Variants in USP31 observed in about 807,000 individuals in gnomAD.
USP31 encodes ubiquitin carboxyl-terminal hydrolase 31.
USP31 carries 44 observed loss-of-function variants against 119.4 expected under a neutral mutation model. The observed-to-expected ratio is 0.37, with a 90% CI of 0.29 to 0.47. USP31 has a LOEUF of 0.47. Among genes scored for constraint, USP31 ranks in the 20% least tolerant of loss-of-function variants. The pLI is 0.99. For missense variants in USP31, 1,643 were observed against 1,730.2 expected (o/e 0.95, Z 0.89); for synonymous variants, 749 against 705.6 (o/e 1.06, Z -0.97).
intron 1 of USP31, among the ~76,000 whole-genome samples, chr16:23,142,535 A>G (rs1596739878): frequency 6.6e-6 from 1 of 152,190 alleles, no homozygotes; most frequent in Non-Finnish European, 1.5e-5. Flanking sequence ...CCCAGGACCC[A>G]GTTTGTGCAC....
Position 23,068,363 on chromosome 16 carries a change from C to G in USP31, c.3742G>C (p.Ala1248Pro), listed in dbSNP as rs1243629318. The G allele has an allele frequency of 1.2e-6, 2 of 1,614,204 alleles. No homozygotes were observed. Among genetic ancestry groups the G allele is most frequent in the Non-Finnish European group, 1.7e-6 (2 of 1,180,040 alleles). Reference protein sequence around the residue: ...TRRSTDLGKTALLSKKAGGSS... With the variant: ...TRRSTDLGKTPLLSKKAGGSS... ...CCACCAGCCTTTTTAGAGAGCAAGG[C>G]TGTCTTGCCAAGATCCGTCGAGCGC... Residue 1248 changes from alanine to proline, a missense_variant, in exon 16 of 16, where the codon GCC (alanine) becomes CCC (proline). Coordinates refer to ENST00000219689, the MANE Select transcript of USP31 (RefSeq NM_020718.4).
chr16:23,104,775 T>C (rs1317397876), intron 5 of USP31, among the ~76,000 whole-genome samples: 1 of 152,180 alleles, frequency 6.6e-6, no homozygotes, highest in Non-Finnish European at 1.5e-5. Context: ...GTAAGGAATG[T>C]TTTTCCAAAT....
chr16:23,148,938 G>GGGCGGCGGCGGGCAC lies in USP31; in HGVS notation c.318_332dup (p.Cys107_Pro111dup), dbSNP rs1188342837. 5.3e-6 allele frequency: 6 copies of GGGCGGCGGCGGGCAC among 1,122,690 alleles called. No homozygotes were observed. The highest frequency in any genetic ancestry group is 5.1e-5 in the Admixed American group (1 of 19,576). The allele number at this position is 1,122,690 out of a possible 1,614,324, so 69.5% of individuals were successfully genotyped here. A position where few individuals can be genotyped will look rare whatever the true frequency, so the allele number is the denominator to read the frequency against. ...CGCAAGCGGGCGGCGCGGGAGAGGC[G>GGGCGGCGGCGGGCAC]GGCGGCGGCGGGCACGGCGGCGGCG... On this transcript the variant is annotated inframe_insertion, in exon 1 of 16. Coordinates refer to ENST00000219689, the MANE Select transcript of USP31 (RefSeq NM_020718.4).
chr16:23,081,011 G>A (rs1337528684), intron 12 of USP31, among the ~76,000 whole-genome samples: 1 of 152,156 alleles, frequency 6.6e-6, no homozygotes, highest in Non-Finnish European at 1.5e-5. Context: ...AGTAATGGAG[G>A]TGAAAAATCA....
chr16:23,076,296 A>G (rs1031287839), intron 13 of USP31, among the ~76,000 whole-genome samples: 1 of 152,090 alleles, frequency 6.6e-6, no homozygotes, highest in Non-Finnish European at 1.5e-5. Context: ...GTTAAAAAAA[A>G]AAAAAAAAGA....
At chr16:23,077,473 C>T (rs887442560) in intron 13 of USP31, among the ~76,000 whole-genome samples, 8 of 152,154 alleles carry the variant, frequency 5.3e-5, no homozygotes, top group Non-Finnish European at 8.8e-5. Context: ...GCAAGGCCAA[C>T]GGACTCCTCT....
At chr16:23,147,854 G>A (rs1460361229) in intron 1 of USP31, among the ~76,000 whole-genome samples, 3 of 152,152 alleles carry the variant, frequency 2.0e-5, no homozygotes, top group Non-Finnish European at 4.4e-5. Context: ...TGAGGCGGGA[G>A]GATTGCTTGA....
intron 1 of USP31, among the ~76,000 whole-genome samples, chr16:23,112,500 G>A (rs947025471): frequency 7.2e-5 from 11 of 151,996 alleles, no homozygotes; most frequent in African/African-American, 1.4e-4. Context: ...GCTTGAACCC[G>A]GGAGGCAGAG....
Position 23,107,920 on chromosome 16 carries a change from T to C in USP31, c.771+126A>G, listed in dbSNP as rs182012794. 225 of 1,183,022 alleles carry C rather than the reference T, an allele frequency of 1.9e-4. No individual in the cohort carries two copies. In the African/African-American group the frequency reaches 3.3e-3, roughly 18 times the overall value. The allele number at this position is 1,183,022 out of a possible 1,614,324, so 73.3% of individuals were successfully genotyped here. A position where few individuals can be genotyped will look rare whatever the true frequency, so the allele number is the denominator to read the frequency against. On this transcript the variant is annotated intron_variant, in intron 2 of 15. Coordinates refer to ENST00000219689, the MANE Select transcript of USP31 (RefSeq NM_020718.4). ...AATGAAATGTCCTTTAAGTAGCCAC[T>C]GAATCTTATACTCACCCAGAGCTTA...
chr16:23,092,860 T>C (rs2141855598), intron 6 of USP31, among the ~76,000 whole-genome samples: 1 of 152,196 alleles, frequency 6.6e-6, no homozygotes, highest in South Asian at 2.1e-4. Flanking sequence ...CAGAGGCCTC[T>C]GGAAGTAGAG....
At chr16:23,118,928 G>A (rs1044195260) in intron 1 of USP31, among the ~76,000 whole-genome samples, 3 of 151,488 alleles carry the variant, frequency 2.0e-5, no homozygotes, top group South Asian at 2.1e-4. Flanking sequence ...AACTGAGATC[G>A]CACCACTGCA....
intron 9 of USP31, 64 bp downstream of exon 9, chr16:23,087,028 C>G: frequency 1.6e-6 from 2 of 1,264,954 alleles, no homozygotes; most frequent in African/African-American, 3.0e-5. Context: ...TAAGACATCA[C>G]TTGAAATCAC....
chr16:23,084,513 T>G (rs1423569642), intron 11 of USP31, among the ~76,000 whole-genome samples: 1 of 152,158 alleles, frequency 6.6e-6, no homozygotes, highest in Non-Finnish European at 1.5e-5. Flanking sequence ...GCACTTATGT[T>G]CTTAGTACCA....
At chr16:23,108,644 A>G (rs1158609730) in intron 1 of USP31, among the ~76,000 whole-genome samples, 2 of 152,256 alleles carry the variant, frequency 1.3e-5, no homozygotes, top group South Asian at 2.1e-4. Flanking sequence ...ATGTGAATGT[A>G]TTCTTGTAAA....
Position 23,149,217 on chromosome 16 carries a change from C to T in USP31, c.54G>A (p.Lys18=), listed in dbSNP as rs1355841077. 3.5e-6 allele frequency: 4 copies of T among 1,139,726 alleles called. No homozygotes were observed. Among genetic ancestry groups the T allele is most frequent in the Non-Finnish European group, 4.3e-6 (4 of 926,102 alleles). 70.6% of individuals were successfully genotyped at this position (1,139,726 alleles called of 1,614,324 possible). Residue 18 remains lysine, a synonymous_variant, in exon 1 of 16, where the codon AAG becomes AAA. Transcript: ENST00000219689. ...GCCGCTTGCTGAAGGAGCGCTTCTC[C>T]TTCCCGCTCGCCGCCGCCGGCGGCC... ...GSGPPAAASG[K]EKRSFSKRLF... is the part of the protein sequence containing the mutation.
chr16:23,132,897 T>C (rs952414708), intron 1 of USP31, among the ~76,000 whole-genome samples: 1 of 152,154 alleles, frequency 6.6e-6, no homozygotes, highest in African/African-American at 2.4e-5. Context: ...TCCTCCTCCT[T>C]ATCCACTCTT....
At chr16:23,137,823 C>T (rs1903238726) in intron 1 of USP31, among the ~76,000 whole-genome samples, 1 of 150,360 alleles carries the variant, frequency 6.7e-6, no homozygotes, top group Non-Finnish European at 1.5e-5. Context: ...GGGAGGAAAA[C>T]GTCCAAAGGA....
intron 5 of USP31, 82 bp downstream of exon 5, chr16:23,105,359 C>A: frequency 7.0e-7 from 1 of 1,418,898 alleles, no homozygotes. Context: ...CCATACTTGG[C>A]AAAGAACTGT....
In USP31 at chr16:23,122,638, C is replaced by T. The variant is rs540826424; in HGVS notation, c.634-14455G>A. On this transcript the variant is annotated intron_variant, in intron 1 of 15. Transcript: ENST00000219689. ...TGCAGCTATAAAAAGAAATGTAGTA[C>T]GATATATACTACAACATGATTAATC... is the stretch of plus-strand genomic sequence containing the variant. Among the ~76,000 whole-genome samples, 554 of 152,116 alleles carry T rather than the reference C, an allele frequency of 3.6e-3. 28 individuals carry two copies. In the South Asian group the frequency reaches 0.11, roughly 30 times the overall value.
Sources: allele counts gnomAD v4.1 joint callset (sites outside exome capture counted in the v4.1 genomes callset), GRCh38; gene constraint gnomAD v4.1.1; transcripts MANE v1.5; gene names NCBI Gene and HGNC (gene_info 2026-07-23, HGNC 2026-07-21).